Variants in SLC4A7 observed in about 807,000 individuals in gnomAD.
The protein encoded by SLC4A7 is sodium bicarbonate cotransporter 3.
A neutral mutation model predicts 137.6 loss-of-function variants in SLC4A7; 51 were observed. That is an observed-to-expected ratio of 0.37 (90% confidence interval 0.30 to 0.47). The LOEUF is 0.47. SLC4A7 is among the 20% of genes least tolerant of loss of function. The probability of loss-of-function intolerance (pLI) is 1.00; values close to 1 mark genes in which losing one functional copy is unlikely to be tolerated. For synonymous variants in SLC4A7, 542 were observed against 518.6 expected, an observed-to-expected ratio of 1.05 and a Z score of -0.61; for missense variants, 1,247 against 1,525.4, an observed-to-expected ratio of 0.82 and a Z score of 3.04.
chr3:27,440,885 A>C (rs932177570), intron 3 of SLC4A7, among the ~76,000 whole-genome samples: 1 of 152,010 alleles, frequency 6.6e-6, no homozygotes, highest in Non-Finnish European at 1.5e-5. Context: ...TCTCTACCAA[A>C]AATACAAAAA....
intron 11 of SLC4A7, among the ~76,000 whole-genome samples, chr3:27,412,978 G>C (rs1309687444): frequency 6.6e-6 from 1 of 152,028 alleles, no homozygotes; most frequent in Non-Finnish European, 1.5e-5. Context: ...ACAGCTAACA[G>C]CAGAAACTAA....
intron 7 of SLC4A7, among the ~76,000 whole-genome samples, chr3:27,426,957 T>TG (rs1393346480): frequency 2.0e-5 from 3 of 152,220 alleles, no homozygotes; most frequent in Non-Finnish European, 4.4e-5. Context: ...AAAAAATATA[T>TG]GTATAAGGAA....
At chr3:27,425,149 T>G (rs2055422772) in intron 7 of SLC4A7, among the ~76,000 whole-genome samples, 1 of 151,932 alleles carries the variant, frequency 6.6e-6, no homozygotes, top group Admixed American at 6.6e-5. Context: ...GGTGGGTGGA[T>G]CACCTGAGGT....
chr3:27,405,831 A>T (rs2053288501), intron 13 of SLC4A7, among the ~76,000 whole-genome samples: 1 of 152,226 alleles, frequency 6.6e-6, no homozygotes, highest in South Asian at 2.1e-4. Context: ...GCAAGAAAAG[A>T]TAGAGAAAAT....
Position 27,376,769 on chromosome 3 carries a change from A to G in SLC4A7, c.3775T>C (p.Leu1259=). The change falls in exon 26 of 26, where the codon TTA becomes CTA. Residue 1259 remains leucine, a synonymous_variant. Transcript: ENST00000454389. ...RKKYVDAETS[L] ...TAATGCCTCTTGGTTCAATTCTATAATGAAGTTTCAGCATCCACGTATTTC... is the reference window on the plus strand; with the variant it reads ...TAATGCCTCTTGGTTCAATTCTATAGTGAAGTTTCAGCATCCACGTATTTC... The G allele has an allele frequency of 6.3e-7, 1 of 1,587,452 alleles. No homozygotes were observed. The highest frequency in any genetic ancestry group is 8.6e-7 in the Non-Finnish European group (1 of 1,160,614).
At chr3:27,438,510 A>G (rs995785499) in intron 3 of SLC4A7, among the ~76,000 whole-genome samples, 5 of 152,078 alleles carry the variant, frequency 3.3e-5, no homozygotes, top group African/African-American at 1.2e-4. Flanking sequence ...ATCTCAAATA[A>G]ATAAAATAAA....
Position 27,374,773 on chromosome 3 carries a change from T to C in SLC4A7, c.*1991A>G, listed in dbSNP as rs2049788537. ...CTTCCTGTAAAGTAAGTACAGTTGTTACCCCTGATGTCCAGACACAAGGAA... is the reference window on the plus strand; with the variant it reads ...CTTCCTGTAAAGTAAGTACAGTTGTCACCCCTGATGTCCAGACACAAGGAA... On this transcript the variant is annotated 3_prime_UTR_variant, in exon 26 of 26. Coordinates refer to ENST00000454389, the MANE Select transcript of SLC4A7 (RefSeq NM_001321103.2). The C allele has an allele frequency of 6.6e-6, 1 of 152,568 alleles. No homozygotes were observed. The highest frequency in any genetic ancestry group is 2.4e-5 in the African/African-American group (1 of 41,472). The allele number at this position is 152,568 out of a possible 1,614,324, so 9.5% of individuals were successfully genotyped here. A position where few individuals can be genotyped will look rare whatever the true frequency, so the allele number is the denominator to read the frequency against.
Position 27,376,744 on chromosome 3 carries a change from T to TAATG in SLC4A7, c.*16_*19dup. 1 of 1,459,022 alleles carries TAATG rather than the reference T, an allele frequency of 6.9e-7. No homozygotes were observed. Among genetic ancestry groups the TAATG allele is most frequent in the Non-Finnish European group, 9.6e-7 (1 of 1,043,634 alleles). 90.4% of individuals were successfully genotyped at this position (1,459,022 alleles called of 1,614,324 possible). ...TTACATATGTATATATCTATATGTATAATGCCTCTTGGTTCAATTCTATAA... is the reference window on the plus strand; with the variant it reads ...TTACATATGTATATATCTATATGTATAATGAATGCCTCTTGGTTCAATTCTATAA... On this transcript the variant is annotated 3_prime_UTR_variant, in exon 26 of 26. Transcript: ENST00000454389.
At position 27,394,718 on chromosome 3, in the gene SLC4A7, C is replaced by T. The variant is rs1169546327; in HGVS notation, c.2917G>A (p.Val973Ile). Reference sequence around the variant, plus strand: ...CATGGAAGTCCCATGACAGAGCAAACTCCCAACATAACGCCAACCATGAGC... The same window carrying T: ...CATGGAAGTCCCATGACAGAGCAAATTCCCAACATAACGCCAACCATGAGC... ...DLLMVGVMLG[V>I]CSVMGLPWFV... Residue 973 changes from valine (V) to isoleucine (I), a missense_variant, in exon 20 of 26, where the codon GTT becomes ATT. By Grantham distance (29) the Val-to-Ile change is conservative. This residue lies in a region of SLC4A7 where 48 missense variants were observed against 97.2 expected (regional missense o/e 0.49). Coordinates refer to ENST00000454389, the MANE Select transcript of SLC4A7 (RefSeq NM_001321103.2). 3.1e-6 allele frequency: 5 copies of T among 1,614,106 alleles called. No individual in the cohort carries two copies. The African/African-American group carries it at 5.3e-5, about 17-fold the overall frequency.
intron 1 of SLC4A7, among the ~76,000 whole-genome samples, chr3:27,453,338 G>A (rs2058202376): frequency 6.6e-6 from 1 of 152,150 alleles, no homozygotes; most frequent in Non-Finnish European, 1.5e-5. Flanking sequence ...TTTGAAGCCG[G>A]GCCTGGTTGC....
intron 1 of SLC4A7, among the ~76,000 whole-genome samples, chr3:27,467,631 G>A (rs1463734272): frequency 6.6e-6 from 1 of 152,170 alleles, no homozygotes. Context: ...TTTCAGTGAG[G>A]AGCACAGCCA....
At chr3:27,415,088 T>A (rs2087758) in intron 11 of SLC4A7, among the ~76,000 whole-genome samples, 80,799 of 152,004 alleles carry the variant, frequency 0.53, 21,779 homozygotes, top group Middle Eastern at 0.6. Flanking sequence ...ATCTAATGTA[T>A]CAAGACTTAA....
intron 3 of SLC4A7, among the ~76,000 whole-genome samples, chr3:27,443,526 C>T (rs1284766840): frequency 6.6e-6 from 1 of 151,894 alleles, no homozygotes; most frequent in Non-Finnish European, 1.5e-5. Flanking sequence ...ATTCATTCTC[C>T]TGGAATTTTG....
rs2059245876 is a variant in SLC4A7, at chr3:27,471,526, C to T, written c.60+12541G>A. 2.0e-5 allele frequency among the ~76,000 whole-genome samples: 3 copies of T among 152,164 alleles called. No homozygotes were observed. In the South Asian group the frequency reaches 6.2e-4, roughly 32 times the overall value. ...TAGCTGGGATCACAGGCATGCACCA[C>T]CACACCTGGCTAATTCTGTATTTTT... On this transcript the variant is annotated intron_variant, in intron 1 of 25. Transcript: ENST00000454389.
chr3:27,447,640 C>CTTTT lies in SLC4A7; in HGVS notation c.289+1007_289+1010dup, dbSNP rs71087609. ...AGAATCCTCCTCAGGTTTTACAGCC[C>CTTTT]TTTTTTTTTTTTTTTTTTTTTTTGG... On this transcript the variant is annotated intron_variant, in intron 3 of 25. Transcript: ENST00000454389. 2.2e-3 allele frequency among the ~76,000 whole-genome samples: 221 copies of CTTTT among 99,634 alleles called. 1 individual carries two copies. The highest frequency in any genetic ancestry group is 7.5e-3 in the Middle Eastern group (1 of 134). 65.4% of individuals were successfully genotyped at this position (99,634 alleles called of 152,430 possible).
chr3:27,425,620 G>A (rs1478580057), intron 7 of SLC4A7, among the ~76,000 whole-genome samples: 1 of 127,144 alleles, frequency 7.9e-6, no homozygotes, highest in East Asian at 2.6e-4. Context: ...AGGTTGCAGT[G>A]AGCCAAGATT....
intron 17 of SLC4A7, 155 bp from the exon 18 acceptor site, chr3:27,397,952 T>A (rs534007220): frequency 1.6e-6 from 1 of 621,232 alleles, no homozygotes; most frequent in Admixed American, 3.3e-5. Context: ...TATATTTAAT[T>A]CTTTCCAAAA....
chr3:27,391,007 G>A (rs979561289), intron 21 of SLC4A7, among the ~76,000 whole-genome samples: 1 of 152,110 alleles, frequency 6.6e-6, no homozygotes, highest in African/African-American at 2.4e-5. Flanking sequence ...AGGTTTTGTA[G>A]AGGCAGGATC....
chr3:27,469,656 G>A (rs1020835800), intron 1 of SLC4A7, among the ~76,000 whole-genome samples: 1 of 152,158 alleles, frequency 6.6e-6, no homozygotes, highest in Non-Finnish European at 1.5e-5. Flanking sequence ...AGGAGGCTGA[G>A]GCAGGAGAAT....
Sources: gnomAD v4.1 joint callset for allele counts (sites outside exome capture counted in the v4.1 genomes callset) on GRCh38, gnomAD v4.1.1 for gene constraint, gnomAD v4.1.1 regional missense constraint, MANE v1.5 for transcripts, NCBI Gene and HGNC (gene_info 2026-07-23, HGNC 2026-07-21) for gene names.